The following GRID2IP variants were observed in gnomAD, a reference collection of about 807,000 sequenced individuals.
GRID2IP encodes the protein delphilin.
In GRID2IP, 78 loss-of-function variants were observed where a neutral mutation model predicts 114.3. The ratio of observed to expected loss-of-function variants is 0.68; its 90% confidence interval spans 0.57 to 0.82. The LOEUF (loss-of-function observed/expected upper bound fraction) is 0.82. Among genes scored for constraint, GRID2IP ranks in the 40% least tolerant of loss-of-function variants. The pLI, the probability that GRID2IP is intolerant of heterozygous loss-of-function variation, is 0.00. For missense variants in GRID2IP, 1,727 were observed against 1,678.5 expected (o/e 1.03, Z -0.51); for synonymous variants, 809 against 724.0 (o/e 1.12, Z -1.89).
intron 18 of GRID2IP, 110 bp from the exon 19 acceptor site, chr7:6,502,228 C>T (rs771506146): frequency 1.6e-5 from 18 of 1,095,370 alleles, no homozygotes; most frequent in South Asian, 2.9e-5. Context: ...TCTTGGCGCC[C>T]CCACTTTTTT....
At chr7:6,527,924 A>G (rs1779546912) in intron 2 of GRID2IP, among the ~76,000 whole-genome samples, 1 of 151,952 alleles carries the variant, frequency 6.6e-6, no homozygotes, top group East Asian at 1.9e-4. Context: ...ACGACGGCTA[A>G]TTTTTGTATT....
At position 6,536,157 on chromosome 7, in the gene GRID2IP, G is replaced by A. The variant is rs1325397360; in HGVS notation, c.584+3561C>T. Among the ~76,000 whole-genome samples the A allele has an allele frequency of 6.6e-6, 1 of 152,168 alleles. No homozygotes were observed. ...GGGCCATGGGTGACTGGCCAGCCCT[G>A]GGGAGGGGGTTGTTGGGAAGTAGGG... is the stretch of plus-strand genomic sequence containing the variant. On this transcript the variant is annotated intron_variant, in intron 2 of 21. Coordinates refer to ENST00000457091, the MANE Select transcript of GRID2IP (RefSeq NM_001145118.2). The surrounding 1 kb of genome is among the most constrained non-coding windows in gnomAD (Gnocchi z 5.3).
intron 20 of GRID2IP, among the ~76,000 whole-genome samples, chr7:6,501,379 CAAAT>C (rs1055785854): frequency 1.1e-4 from 17 of 151,906 alleles, no homozygotes; most frequent in African/African-American, 2.2e-4. Flanking sequence ...AACAAACAAA[CAAAT>C]AAATAAATAA....
chr7:6,520,206 C>T lies in GRID2IP; in HGVS notation c.1268+372G>A, dbSNP rs997828870. On this transcript the variant is annotated intron_variant, in intron 7 of 21. Transcript: ENST00000457091. The surrounding 1 kb of genome is among the most constrained non-coding windows in gnomAD (Gnocchi z 4.6). ...TACTCGGAGGCTGAGGCAGAAGAAT[C>T]GCTTGAACCCAGGAGGCGGAGGCTG... Among the ~76,000 whole-genome samples the T allele has an allele frequency of 2.6e-5, 4 of 151,962 alleles. No homozygotes were observed. The highest frequency in any genetic ancestry group is 2.4e-5 in the African/African-American group (1 of 41,362).
intron 1 of GRID2IP, among the ~76,000 whole-genome samples, chr7:6,546,988 T>C (rs1779898545): frequency 6.6e-6 from 1 of 152,198 alleles, no homozygotes; most frequent in African/African-American, 2.4e-5. Context: ...TTAGACTACA[T>C]TTCCCAGCAT....
rs1779727091 is a variant in GRID2IP at position 6,536,576 on chromosome 7, G to T, written c.584+3142C>A. Reference sequence around the variant, plus strand: ...GCTGTGGGAGAGGAGAACCGAGAGGGCCTCCAGCCGAGCCCGGCTGCCAGC... The same window carrying T: ...GCTGTGGGAGAGGAGAACCGAGAGGTCCTCCAGCCGAGCCCGGCTGCCAGC... On this transcript the variant is annotated intron_variant, in intron 2 of 21. Coordinates refer to ENST00000457091, the MANE Select transcript of GRID2IP (RefSeq NM_001145118.2). The surrounding 1 kb of genome is among the most constrained non-coding windows in gnomAD (Gnocchi z 5.3). Among the ~76,000 whole-genome samples the T allele has an allele frequency of 1.3e-5, 2 of 151,902 alleles. No individual in the cohort carries two copies. Among genetic ancestry groups the T allele is most frequent in the Admixed American group, 1.3e-4 (2 of 15,262 alleles).
In GRID2IP at chr7:6,510,391, CG is replaced by C. The variant is rs1562514588; in HGVS notation, c.1662del (p.Val555SerfsTer9). 4.6e-6 allele frequency: 7 copies of C among 1,530,604 alleles called. No individual in the cohort carries two copies. The highest frequency in any genetic ancestry group is 6.2e-6 in the Non-Finnish European group (7 of 1,135,886). 94.8% of individuals were successfully genotyped at this position (1,530,604 alleles called of 1,614,324 possible). On this transcript the variant is annotated frameshift_variant, in exon 11 of 22. Transcript: ENST00000457091. LOFTEE classifies it high-confidence loss of function. ...PETPNPKMMS[A>X]VYAELESRLN... ...AGTCGAGACTCAAGCTCTGCATAGACGGCTGACATCTGGAGGGAGACGGGGG... is the reference window on the plus strand; with the variant it reads ...AGTCGAGACTCAAGCTCTGCATAGACGCTGACATCTGGAGGGAGACGGGGG...
In GRID2IP at chr7:6,534,773, G is replaced by C. The variant is rs1779696267; in HGVS notation, c.584+4945C>G. Among the ~76,000 whole-genome samples, 1 of 151,956 alleles carries C rather than the reference G, an allele frequency of 6.6e-6. No individual in the cohort carries two copies. Among genetic ancestry groups the C allele is most frequent in the Non-Finnish European group, 1.5e-5 (1 of 67,990 alleles). Reference sequence around the variant, plus strand: ...CCCAGGCTGGAGGCTGGAGTGCAGTGGCTTGTTCTCACCTCACTGCAACCT... The same window carrying C: ...CCCAGGCTGGAGGCTGGAGTGCAGTCGCTTGTTCTCACCTCACTGCAACCT... On this transcript the variant is annotated intron_variant, in intron 2 of 21. Coordinates refer to ENST00000457091, the MANE Select transcript of GRID2IP (RefSeq NM_001145118.2). This position sits in a 1 kb window ranked among gnomAD's most constrained non-coding sequence, Gnocchi z 4.5.
At chr7:6,503,253 C>T (rs1322500177) in intron 16 of GRID2IP, 90 bp from the exon 17 acceptor site, 1 of 1,163,480 alleles carries the variant, frequency 8.6e-7, no homozygotes, top group Non-Finnish European at 1.2e-6. Context: ...GGGGGATCTG[C>T]TGGCTGCTTC....
At chr7:6,505,714 G>C (rs958859940) in intron 14 of GRID2IP, 106 bp downstream of exon 14, 4 of 705,624 alleles carry the variant, frequency 5.7e-6, no homozygotes, top group Non-Finnish European at 1.0e-5. Flanking sequence ...GCTTGAGGAC[G>C]CATCAGGTTA....
Position 6,532,172 on chromosome 7 carries a change from G to A in GRID2IP, c.585-5403C>T, listed in dbSNP as rs1344817141. ...GCCTGCTTGCGTGTCATGTCTCAAG[G>A]AGTCCCGACTGCCTCTGGAGAGGCC... On this transcript the variant is annotated intron_variant, in intron 2 of 21. Coordinates refer to ENST00000457091, the MANE Select transcript of GRID2IP (RefSeq NM_001145118.2). This position sits in a 1 kb window ranked among gnomAD's most constrained non-coding sequence, Gnocchi z 4.4. Among the ~76,000 whole-genome samples the A allele has an allele frequency of 6.6e-6, 1 of 152,130 alleles. No individual in the cohort carries two copies. The highest frequency in any genetic ancestry group is 2.4e-5 in the African/African-American group (1 of 41,430).
Position 6,503,580 on chromosome 7 carries a change from A to G in GRID2IP, c.2818T>C (p.Phe940Leu), listed in dbSNP as rs1489073913. The change falls in exon 16 of 22, where the codon TTC (phenylalanine) becomes CTC (leucine). Residue 940 changes from phenylalanine (F) to leucine (L), a missense_variant. Physicochemically the swap from Phe to Leu is conservative, Grantham distance 22. Transcript: ENST00000457091. ...TGCTCCTCGTCGGCGTCGGGCGCGAAGAGCAGCAGCTGCGCGAGATGTGCG... is the reference window on the plus strand; with the variant it reads ...TGCTCCTCGTCGGCGTCGGGCGCGAGGAGCAGCAGCTGCGCGAGATGTGCG... ...EPAHLAQLLLFAPDADEEQRY... is the reference protein window; with the variant it reads ...EPAHLAQLLLLAPDADEEQRY... The G allele has an allele frequency of 1.3e-6, 2 of 1,529,078 alleles. No homozygotes were observed. Among genetic ancestry groups the G allele is most frequent in the African/African-American group, 1.4e-5 (1 of 71,964 alleles). 94.7% of individuals were successfully genotyped at this position (1,529,078 alleles called of 1,614,324 possible).
At position 6,521,836 on chromosome 7, in the gene GRID2IP, G is replaced by A; in HGVS notation, c.989+52C>T. ...TGCCCCAAGAGGCAGGAGTCTTGCA[G>A]GGGGTGGGGGCAGCTCCTCACCAAC... On this transcript the variant is annotated intron_variant, in intron 5 of 21. Transcript: ENST00000457091. This position sits in a 1 kb window ranked among gnomAD's most constrained non-coding sequence, Gnocchi z 4.1. 7.3e-7 allele frequency: 1 copy of A among 1,363,990 alleles called. No homozygotes were observed. The highest frequency in any genetic ancestry group is 1.0e-6 in the Non-Finnish European group (1 of 977,326). 84.5% of individuals were successfully genotyped at this position (1,363,990 alleles called of 1,614,324 possible).
chr7:6,498,313 G>A, intron 20 of GRID2IP, 85 bp from the exon 21 acceptor site: 1 of 1,332,658 alleles, frequency 7.5e-7, no homozygotes, highest in Non-Finnish European at 1.0e-6. Flanking sequence ...GTCCCTAGCA[G>A]CCCTATTCCC....
chr7:6,501,097 T>A (rs912222213), intron 20 of GRID2IP, among the ~76,000 whole-genome samples: 3 of 152,148 alleles, frequency 2.0e-5, no homozygotes, highest in African/African-American at 7.2e-5. Flanking sequence ...AGGCCTATAA[T>A]CCCAGCACTT....
At chr7:6,502,160 T>C in intron 18 of GRID2IP, 42 bp from the exon 19 acceptor site, 1 of 1,537,806 alleles carries the variant, frequency 6.5e-7, no homozygotes, top group Non-Finnish European at 8.8e-7. Flanking sequence ...AAGGACCCCA[T>C]CAGATGGGGT....
chr7:6,531,765 G>A (rs1779630720), intron 2 of GRID2IP, among the ~76,000 whole-genome samples: 2 of 152,216 alleles, frequency 1.3e-5, no homozygotes, highest in Non-Finnish European at 2.9e-5. Flanking sequence ...CCGTGGGAGG[G>A]TTTCATGGTT....
At chr7:6,533,222 C>G (rs1249437103) in intron 2 of GRID2IP, among the ~76,000 whole-genome samples, 2 of 152,154 alleles carry the variant, frequency 1.3e-5, no homozygotes, top group South Asian at 2.1e-4. Context: ...AATATCAGCT[C>G]CTAAATGTCA....
chr7:6,539,037 C>T (rs761561534), intron 2 of GRID2IP, among the ~76,000 whole-genome samples: 3 of 152,150 alleles, frequency 2.0e-5, no homozygotes, highest in Admixed American at 6.6e-5. Context: ...TCACATTGTG[C>T]CATTATCCTG....
Sources: allele counts gnomAD v4.1 joint callset (sites outside exome capture counted in the v4.1 genomes callset), GRCh38; gene constraint gnomAD v4.1.1; non-coding constraint Gnocchi (gnomAD v3.1); transcripts MANE v1.5; gene names NCBI Gene and HGNC (gene_info 2026-07-23, HGNC 2026-07-21).